CDC14A: variants seen among roughly 807,000 people sequenced by gnomAD.
CDC14A encodes the protein dual specificity protein phosphatase CDC14A.
Under a neutral mutation model 74.4 loss-of-function variants are expected in CDC14A, and 53 were observed. The ratio of observed to expected loss-of-function variants is 0.71; its 90% CI spans 0.57 to 0.89. CDC14A has a LOEUF of 0.89. Among genes scored for constraint, CDC14A ranks in the 40% least tolerant of loss-of-function variants. The pLI is 0.00. For synonymous variants in CDC14A, 247 were observed against 258.4 expected (o/e 0.96, Z 0.43); for missense variants, 646 against 713.7 (o/e 0.91, Z 1.08).
At chr1:100,391,381 T>G (rs1282533592) in intron 4 of CDC14A, among the ~76,000 whole-genome samples, 1 of 152,162 alleles carries the variant, frequency 6.6e-6, no homozygotes, top group African/African-American at 2.4e-5. Context: ...AATTAGAAAT[T>G]TTGTTCTCTG....
intron 3 of CDC14A, among the ~76,000 whole-genome samples, chr1:100,389,180 CAA>C (rs1196346245): frequency 0.012 from 606 of 52,226 alleles, 3 homozygotes; most frequent in African/African-American, 0.025. Context: ...GACCCTGTCT[CAA>C]AAAAAAAAAA....
chr1:100,429,728 A>G (rs1216895347), intron 5 of CDC14A, among the ~76,000 whole-genome samples: 1 of 147,410 alleles, frequency 6.8e-6, no homozygotes, highest in Non-Finnish European at 1.5e-5. Flanking sequence ...TATATATTAT[A>G]TATATATCAA....
intron 7 of CDC14A, among the ~76,000 whole-genome samples, chr1:100,443,417 C>G (rs189900396): frequency 1.7e-3 from 260 of 152,126 alleles, no homozygotes; most frequent in African/African-American, 6.0e-3. Flanking sequence ...TCACTGCAAC[C>G]TCTGCCTCCC....
At chr1:100,391,998 C>T (rs1657785060) in intron 4 of CDC14A, among the ~76,000 whole-genome samples, 1 of 152,226 alleles carries the variant, frequency 6.6e-6, no homozygotes, top group Non-Finnish European at 1.5e-5. Context: ...AGTCAGAAAA[C>T]ATGTTTTTCA....
intron 5 of CDC14A, among the ~76,000 whole-genome samples, chr1:100,437,053 G>A (rs1216081873): frequency 6.6e-6 from 1 of 152,138 alleles, no homozygotes; most frequent in African/African-American, 2.4e-5. Context: ...GGGCATGGTG[G>A]CTTGTGCCTG....
intron 4 of CDC14A, chr1:100,394,171 C>G (rs934014616): frequency 5.5e-5 from 9 of 162,596 alleles, no homozygotes; most frequent in African/African-American, 2.2e-4. Flanking sequence ...CTGCAGTGCA[C>G]TGGTGCGATT....
At chr1:100,412,706 A>ATATATATATATATATATATTT (rs1660894107) in intron 4 of CDC14A, among the ~76,000 whole-genome samples, 2 of 101,316 alleles carry the variant, frequency 2.0e-5, no homozygotes, top group South Asian at 2.5e-4. Flanking sequence ...TTATATATAT[A>ATATATATATATATATATATTT]TATATATATA....
chr1:100,498,367 G>A (rs1179424201), intron 14 of CDC14A, among the ~76,000 whole-genome samples, 160 bp downstream of exon 14: 1 of 152,158 alleles, frequency 6.6e-6, no homozygotes, highest in East Asian at 1.9e-4. Context: ...TCCTGTCTTG[G>A]GAAGGCAGGA....
intron 4 of CDC14A, among the ~76,000 whole-genome samples, chr1:100,420,936 A>G (rs1224672482): frequency 6.6e-6 from 1 of 152,194 alleles, no homozygotes; most frequent in Non-Finnish European, 1.5e-5. Flanking sequence ...GGTACCTGGA[A>G]GTTAATTAAA....
chr1:100,467,110 T>C (rs1667914921), intron 9 of CDC14A, among the ~76,000 whole-genome samples: 4 of 152,120 alleles, frequency 2.6e-5, no homozygotes, highest in Admixed American at 2.6e-4. Flanking sequence ...GAACACTGAT[T>C]TAAAGACATA....
At chr1:100,409,349 C>G (rs1660368974) in intron 4 of CDC14A, among the ~76,000 whole-genome samples, 1 of 152,150 alleles carries the variant, frequency 6.6e-6, no homozygotes, top group African/African-American at 2.4e-5. Flanking sequence ...CATTCCACTC[C>G]TGGTCCCTCC....
upstream of CDC14A, among the ~76,000 whole-genome samples, chr1:100,351,242 T>C (rs749143560): frequency 2.2e-4 from 33 of 150,782 alleles, no homozygotes; most frequent in Non-Finnish European, 3.8e-4. Flanking sequence ...AAACCTGCAA[T>C]TGGCCCTCGA....
At chr1:100,435,666 G>A (rs1478219503) in intron 5 of CDC14A, among the ~76,000 whole-genome samples, 2 of 151,708 alleles carry the variant, frequency 1.3e-5, no homozygotes, top group South Asian at 2.1e-4. Context: ...CTGTCTCTAC[G>A]AAAAATACAA....
intron 2 of CDC14A, among the ~76,000 whole-genome samples, chr1:100,377,151 C>A (rs1255511547): frequency 6.6e-6 from 1 of 152,048 alleles, no homozygotes; most frequent in Non-Finnish European, 1.5e-5. Flanking sequence ...AGTGATTCTC[C>A]TGCCTCAGCC....
chr1:100,453,353 G>A (rs1430598283), intron 7 of CDC14A, among the ~76,000 whole-genome samples: 1 of 152,110 alleles, frequency 6.6e-6, no homozygotes, highest in Non-Finnish European at 1.5e-5. Flanking sequence ...AATAGTGACC[G>A]TAGAAACCTG....
At chr1:100,370,008 G>C (rs926853312) in intron 2 of CDC14A, among the ~76,000 whole-genome samples, 4 of 150,878 alleles carry the variant, frequency 2.7e-5, no homozygotes, top group African/African-American at 9.8e-5. Context: ...TTTGGAGACA[G>C]GGTCTCATTT....
intron 2 of CDC14A, among the ~76,000 whole-genome samples, chr1:100,366,565 C>G (rs924309323): frequency 6.6e-6 from 1 of 152,192 alleles, no homozygotes. Flanking sequence ...GGCCCAGCTT[C>G]TATGTCCCTT....
intron 4 of CDC14A, among the ~76,000 whole-genome samples, chr1:100,397,583 C>T (rs1223321412): frequency 6.6e-6 from 1 of 152,126 alleles, no homozygotes; most frequent in Non-Finnish European, 1.5e-5. Context: ...GAATTTGGAT[C>T]AGGTCACCGT....
intron 11 of CDC14A, among the ~76,000 whole-genome samples, chr1:100,487,414 T>C (rs148178450): frequency 7.6e-4 from 115 of 152,038 alleles, no homozygotes; most frequent in African/African-American, 2.8e-3. Flanking sequence ...GAGAAAAAAT[T>C]AGCCAGGTGT....
Sources: gnomAD v4.1 joint callset for allele counts (sites outside exome capture counted in the v4.1 genomes callset) on GRCh38, gnomAD v4.1.1 for gene constraint, MANE v1.5 for transcripts, NCBI Gene and HGNC (gene_info 2026-07-23, HGNC 2026-07-21) for gene names.